The following UNC45A variants were observed in gnomAD, a reference collection of about 807,000 sequenced individuals.
UNC45A encodes unc-45 myosin chaperone A, also known as protein unc-45 homolog A.
Under a neutral mutation model 103.2 loss-of-function variants are expected in UNC45A, and 78 were observed. That is an observed-to-expected ratio of 0.76 (90% CI 0.63 to 0.91). UNC45A has a LOEUF of 0.91. UNC45A is among the 40% of genes least tolerant of loss of function. UNC45A has a pLI of 0.00. For synonymous variants in UNC45A, 495 were observed against 504.6 expected (o/e 0.98, Z 0.25); for missense variants, 1,193 against 1,224.8 (o/e 0.97, Z 0.39).
At position 90,953,287 on chromosome 15, in the gene UNC45A, C is replaced by A. The variant is rs377033536; in HGVS notation, c.2554C>A (p.Leu852Ile). 1.9e-6 allele frequency: 3 copies of A among 1,611,076 alleles called. No individual in the cohort carries two copies. Among genetic ancestry groups the A allele is most frequent in the Non-Finnish European group, 2.5e-6 (3 of 1,179,012 alleles). The change falls in exon 19 of 20, where the codon CTC becomes ATC. Residue 852 changes from leucine (L) to isoleucine (I), a missense_variant. Transcript: ENST00000418476. ...LAMLTSMRPT[L>I]CSRIPQVTTH... Reference sequence around the variant, plus strand: ...CATGCTTACCTCCATGCGGCCCACGCTCTGCAGCCGCATTCCCCAAGTGGT... The same window carrying A: ...CATGCTTACCTCCATGCGGCCCACGATCTGCAGCCGCATTCCCCAAGTGGT...
Position 90,946,674 on chromosome 15 carries a change from C to T in UNC45A, c.1260C>T (p.Cys420=). 2.5e-6 allele frequency: 4 copies of T among 1,612,358 alleles called. No individual in the cohort carries two copies. The highest frequency in any genetic ancestry group is 3.4e-6 in the Non-Finnish European group (4 of 1,179,978). The part of the protein sequence containing the change: ...GKLRAIQTVS[C]LLQGPCDAGN... Reference sequence around the variant, plus strand: ...TACGGGCCATCCAGACGGTGTCCTGCCTCCTGCAGGGCCCATGTGACGCTG... The same window carrying T: ...TACGGGCCATCCAGACGGTGTCCTGTCTCCTGCAGGGCCCATGTGACGCTG... The change falls in exon 10 of 20, where the codon TGC becomes TGT. Residue 420 remains cysteine (C), a synonymous_variant. Coordinates refer to ENST00000418476, the MANE Select transcript of UNC45A (RefSeq NM_018671.5).
chr15:90,935,137 G>C, upstream of UNC45A: 2 of 625,102 alleles, frequency 3.2e-6, no homozygotes, highest in Non-Finnish European at 2.8e-6. Context: ...CCCGGAGCTT[G>C]CCTGCACCTG....
chr15:90,942,969 TG>T lies in UNC45A; in HGVS notation c.919del (p.Val307SerfsTer10). 6.2e-7 allele frequency: 1 copy of T among 1,614,048 alleles called. No homozygotes were observed. The highest frequency in any genetic ancestry group is 8.5e-7 in the Non-Finnish European group (1 of 1,179,980). ...ISNLLDLLTE[V>X]GVSGQGRDNA... ...AACCTCTTAGATCTGCTGACAGAGG[TG>T]GGGGTCTCTGGCCAAGGCCGAGACA... On this transcript the variant is annotated frameshift_variant, in exon 8 of 20. Coordinates refer to ENST00000418476, the MANE Select transcript of UNC45A (RefSeq NM_018671.5). LOFTEE classifies it high-confidence loss of function.
chr15:90,942,322 G>T (rs2036332813), intron 6 of UNC45A, 115 bp from the exon 7 acceptor site: 2 of 1,237,326 alleles, frequency 1.6e-6, no homozygotes, highest in African/African-American at 1.5e-5. Flanking sequence ...ACCTGGAGCT[G>T]GGCCTTCCAC....
chr15:90,949,566 T>C, intron 14 of UNC45A, 88 bp from the exon 15 acceptor site: 5 of 1,599,532 alleles, frequency 3.1e-6, no homozygotes, highest in Non-Finnish European at 4.3e-6. Flanking sequence ...GCTGCCTGCG[T>C]GGCTGCCGTC....
intron 8 of UNC45A, among the ~76,000 whole-genome samples, chr15:90,943,426 CAAA>C (rs71154147): frequency 2.3e-4 from 17 of 74,546 alleles, no homozygotes; most frequent in Non-Finnish European, 2.7e-4. Flanking sequence ...GAGACTGTCT[CAAA>C]AAAAAAAAAA....
intron 5 of UNC45A, 64 bp downstream of exon 5, chr15:90,939,887 G>A (rs942952853): frequency 2.0e-5 from 28 of 1,376,502 alleles, no homozygotes; most frequent in Admixed American, 1.2e-4. Context: ...ATAGGCCCCC[G>A]AAGCCACTGC....
chr15:90,939,739 C>T lies in UNC45A; in HGVS notation c.435C>T (p.Tyr145=). ...IGGQIQEKVR[Y]MSSTDAKVEQ... Reference sequence around the variant, plus strand: ...TTTGTTGGTTTGTCTAGGTGCGATACATGTCCTCGACGGATGCCAAAGTGG... The same window carrying T: ...TTTGTTGGTTTGTCTAGGTGCGATATATGTCCTCGACGGATGCCAAAGTGG... Residue 145 remains tyrosine, a synonymous_variant, in exon 5 of 20, where the codon TAC becomes TAT. Coordinates refer to ENST00000418476, the MANE Select transcript of UNC45A (RefSeq NM_018671.5). 6.2e-7 allele frequency: 1 copy of T among 1,614,202 alleles called. No individual in the cohort carries two copies. The highest frequency in any genetic ancestry group is 1.1e-5 in the South Asian group (1 of 91,090).
upstream of UNC45A, chr15:90,931,204 A>G: frequency 6.6e-7 from 1 of 1,516,686 alleles, no homozygotes; most frequent in Non-Finnish European, 8.9e-7. Context: ...AGACACAGAA[A>G]AGATGGCGTA....
intron 17 of UNC45A, 120 bp downstream of exon 17, chr15:90,950,735 C>G (rs1316240262): frequency 1.0e-6 from 1 of 987,032 alleles, no homozygotes; most frequent in African/African-American, 1.6e-5. Context: ...CTCACAGTGA[C>G]TGCTCCGCAT....
chr15:90,939,121 C>T (rs888504294), intron 4 of UNC45A, among the ~76,000 whole-genome samples: 7 of 151,656 alleles, frequency 4.6e-5, no homozygotes, highest in African/African-American at 9.7e-5. Flanking sequence ...CTGGGATTAC[C>T]GGCATCTGCC....
chr15:90,950,680 G>T, intron 17 of UNC45A, 65 bp downstream of exon 17: 3 of 1,504,316 alleles, frequency 2.0e-6, no homozygotes, highest in South Asian at 2.3e-5. Flanking sequence ...CCCCACAGCA[G>T]TTTACACATT....
chr15:90,935,746 C>T, intron 2 of UNC45A, 41 bp downstream of exon 2: 3 of 1,529,074 alleles, frequency 2.0e-6, no homozygotes, highest in Non-Finnish European at 2.6e-6. Context: ...CGCCCGGGCC[C>T]CGGTTCGCCC....
intron 8 of UNC45A, among the ~76,000 whole-genome samples, chr15:90,944,222 TAA>T (rs1021686669): frequency 3.3e-5 from 5 of 151,792 alleles, no homozygotes; most frequent in Admixed American, 6.6e-5. Flanking sequence ...CCGTCTCTAC[TAA>T]AAGATACAAA....
intron 17 of UNC45A, among the ~76,000 whole-genome samples, chr15:90,951,505 G>A (rs1161458048): frequency 1.3e-5 from 2 of 152,196 alleles, no homozygotes; most frequent in African/African-American, 4.8e-5. Context: ...GCTCACACCT[G>A]TAATCCTGGC....
chr15:90,950,784 A>G (rs2036864891), intron 17 of UNC45A, among the ~76,000 whole-genome samples, 169 bp downstream of exon 17: 1 of 152,224 alleles, frequency 6.6e-6, no homozygotes, highest in South Asian at 2.1e-4. Context: ...GCAGCACGGC[A>G]CGGCAGACTC....
intron 8 of UNC45A, among the ~76,000 whole-genome samples, chr15:90,943,319 C>T (rs1180783205): frequency 6.6e-6 from 1 of 151,260 alleles, no homozygotes; most frequent in Non-Finnish European, 1.5e-5. Flanking sequence ...GTCCTAGCTA[C>T]TCCAGAGGCT....
chr15:90,931,779 T>C, upstream of UNC45A: 5 of 1,614,166 alleles, frequency 3.1e-6, no homozygotes, highest in Non-Finnish European at 4.2e-6. Context: ...GCCCCGGGGC[T>C]ACTGTGGGGC....
rs1281411944 is a variant in UNC45A at position 90,935,317 on chromosome 15, T to A, written c.-8T>A. ...GCGCCTGCGCGGGCACGAGACAACC[T>A]CTCCGCGATGACTGTGAGTGGTCCA... On this transcript the variant is annotated 5_prime_UTR_variant, in exon 1 of 20. Coordinates refer to ENST00000418476, the MANE Select transcript of UNC45A (RefSeq NM_018671.5). 6.2e-7 allele frequency: 1 copy of A among 1,601,440 alleles called. No homozygotes were observed. The highest frequency in any genetic ancestry group is 8.5e-7 in the Non-Finnish European group (1 of 1,176,138).
Sources: allele counts gnomAD v4.1 joint callset (sites outside exome capture counted in the v4.1 genomes callset), GRCh38; gene constraint gnomAD v4.1.1; transcripts MANE v1.5; gene names NCBI Gene and HGNC (gene_info 2026-07-23, HGNC 2026-07-21).